The following MROH2B variants were observed in gnomAD, a reference collection of about 807,000 sequenced individuals.
MROH2B encodes maestro heat-like repeat-containing protein family member 2B.
MROH2B carries 177 observed loss-of-function variants against 208.6 expected under a neutral mutation model. The ratio of observed to expected loss-of-function variants is 0.85; its 90% CI spans 0.75 to 0.96. MROH2B has a LOEUF of 0.96. Ranked by LOEUF, MROH2B falls within the 40% of genes least tolerant of loss-of-function variation. The probability of loss-of-function intolerance (pLI) is 0.00; values close to 1 mark genes in which losing one functional copy is unlikely to be tolerated. For missense variants in MROH2B, 2,002 were observed against 1,878.7 expected (o/e 1.07, Z -1.21); for synonymous variants, 728 against 659.0 (o/e 1.10, Z -1.60).
At chr5:41,024,684 C>A (rs1232597190) in intron 24 of MROH2B, among the ~76,000 whole-genome samples, 2 of 152,180 alleles carry the variant, frequency 1.3e-5, no homozygotes, top group African/African-American at 4.8e-5. Context: ...ACCAAGCAGA[C>A]CTAGTAGACA....
intron 24 of MROH2B, among the ~76,000 whole-genome samples, chr5:41,023,693 A>G (rs568385189): frequency 6.6e-6 from 1 of 152,278 alleles, no homozygotes; most frequent in East Asian, 1.9e-4. Context: ...TGCCACAAAG[A>G]TACTCTTTGA....
intron 2 of MROH2B, 46 bp downstream of exon 2, chr5:41,069,645 C>G: frequency 1.4e-6 from 2 of 1,433,114 alleles, no homozygotes; most frequent in Non-Finnish European, 1.9e-6. Flanking sequence ...AATGTTGCAA[C>G]AAGAAGACTG....
rs747871771 is a variant in MROH2B, at chr5:41,039,508, A to C, written c.2001T>G (p.Ile667Met). Reference sequence around the variant, plus strand: ...GGAATGTTTTAAGAACTTTTAAAACAATATCCAAATGGTTCTCGGCACAGT... The same window carrying C: ...GGAATGTTTTAAGAACTTTTAAAACCATATCCAAATGGTTCTCGGCACAGT... The part of the protein sequence containing the change: ...LGYCAENHLD[I>M]VLKVLKTFQN... Residue 667 changes from isoleucine to methionine, a missense_variant, in exon 20 of 42, where the codon ATT becomes ATG. Ile to Met is a conservative substitution (Grantham distance 10, BLOSUM62 1). Coordinates refer to ENST00000399564, the MANE Select transcript of MROH2B (RefSeq NM_173489.5). 1.2e-6 allele frequency: 2 copies of C among 1,608,286 alleles called. No individual in the cohort carries two copies. The highest frequency in any genetic ancestry group is 1.3e-5 in the African/African-American group (1 of 74,842).
intron 11 of MROH2B, among the ~76,000 whole-genome samples, chr5:41,054,566 G>A (rs1386448032): frequency 6.6e-6 from 1 of 152,082 alleles, no homozygotes; most frequent in Admixed American, 6.5e-5. Flanking sequence ...TCTTTTCACT[G>A]AGACGTCCTT....
intron 37 of MROH2B, 55 bp from the exon 38 acceptor site, chr5:41,000,888 T>C (rs2111787030): frequency 6.5e-7 from 1 of 1,542,986 alleles, no homozygotes; most frequent in Non-Finnish European, 8.7e-7. Flanking sequence ...CATTCCCTGC[T>C]AGCACACTCT....
chr5:41,015,741 C>T (rs1342621272), intron 28 of MROH2B, among the ~76,000 whole-genome samples: 3 of 152,152 alleles, frequency 2.0e-5, no homozygotes, highest in Non-Finnish European at 2.9e-5. Flanking sequence ...AAAGCGGGAA[C>T]AGAGATGTGA....
chr5:41,063,367 G>C (rs1240039613), intron 5 of MROH2B, among the ~76,000 whole-genome samples: 1 of 152,190 alleles, frequency 6.6e-6, no homozygotes, highest in Admixed American at 6.5e-5. Context: ...TGTACTGGCT[G>C]TGTGACCTAA....
chr5:41,055,797 A>C lies in MROH2B; in HGVS notation c.978T>G (p.Asn326Lys), dbSNP rs1321924088. Residue 326 changes from asparagine (N) to lysine (K), a missense_variant, in exon 10 of 42, where the codon AAT becomes AAG. Asn to Lys is a moderately conservative substitution (Grantham distance 94, BLOSUM62 0). Coordinates refer to ENST00000399564, the MANE Select transcript of MROH2B (RefSeq NM_173489.5). ...EFFDEQVRSN[N>K]EAIRVGILTL... ...TCAAGATTCCCACTCGAATGGCTTC[A>C]TTATTACTTCTTACTTGTTCATCAA... 3 of 1,613,782 alleles carry C rather than the reference A, an allele frequency of 1.9e-6. No homozygotes were observed. Among genetic ancestry groups the C allele is most frequent in the Admixed American group, 1.7e-5 (1 of 60,006 alleles).
chr5:41,026,301 C>G (rs1234157102), intron 24 of MROH2B, among the ~76,000 whole-genome samples: 2 of 152,104 alleles, frequency 1.3e-5, no homozygotes, highest in African/African-American at 4.8e-5. Flanking sequence ...TGTCTCAGCC[C>G]AAAATCTACT....
intron 24 of MROH2B, among the ~76,000 whole-genome samples, chr5:41,029,521 A>T (rs1742494429): frequency 6.6e-6 from 1 of 152,014 alleles, no homozygotes; most frequent in Non-Finnish European, 1.5e-5. Flanking sequence ...CAAGATTTTG[A>T]TGTGAGGACA....
intron 28 of MROH2B, among the ~76,000 whole-genome samples, chr5:41,017,102 C>A (rs1561281277): frequency 1.3e-5 from 2 of 152,156 alleles, no homozygotes; most frequent in African/African-American, 4.8e-5. Flanking sequence ...GGAACATAGG[C>A]AGGCATAAGG....
chr5:41,058,521 G>C (rs183910314), intron 6 of MROH2B, among the ~76,000 whole-genome samples: 12 of 151,866 alleles, frequency 7.9e-5, no homozygotes, highest in African/African-American at 2.9e-4. Flanking sequence ...GCAGTGGCAC[G>C]ATCTCAGCTC....
At position 41,069,762 on chromosome 5, in the gene MROH2B, A is replaced by G. The variant is rs780926227; in HGVS notation, c.29-10T>C. 1.9e-6 allele frequency: 3 copies of G among 1,581,898 alleles called. No homozygotes were observed. Among genetic ancestry groups the G allele is most frequent in the Non-Finnish European group, 2.6e-6 (3 of 1,155,934 alleles). ...ATATCCCCAAACATCTCTAAAACGT[A>G]CAGAAAAATATGAATTGAAATATAT... On this transcript the variant is annotated splice_polypyrimidine_tract_variant and intron_variant, in intron 1 of 41. Transcript: ENST00000399564.
intron 24 of MROH2B, among the ~76,000 whole-genome samples, chr5:41,026,065 C>A (rs946245069): frequency 8.2e-5 from 9 of 109,484 alleles, no homozygotes; most frequent in African/African-American, 2.9e-4. Context: ...TTATGACAAA[C>A]GCCCAGCCAA....
intron 24 of MROH2B, among the ~76,000 whole-genome samples, chr5:41,024,248 TAA>T (rs1742265559): frequency 6.6e-6 from 1 of 152,052 alleles, no homozygotes; most frequent in Non-Finnish European, 1.5e-5. Flanking sequence ...GCAAATTGGA[TAA>T]AGAGTCAAGA....
chr5:41,038,439 T>G (rs1448772467), intron 21 of MROH2B, among the ~76,000 whole-genome samples: 1 of 152,154 alleles, frequency 6.6e-6, no homozygotes, highest in Non-Finnish European at 1.5e-5. Context: ...TTAAAATAAA[T>G]TTTTCTGTTC....
intron 18 of MROH2B, among the ~76,000 whole-genome samples, chr5:41,045,252 C>T (rs1743080821): frequency 6.6e-6 from 1 of 152,192 alleles, no homozygotes; most frequent in Non-Finnish European, 1.5e-5. Flanking sequence ...TATCCATGGC[C>T]ATACCTCTTT....
At chr5:41,048,901 A>C (rs1743201877) in intron 15 of MROH2B, among the ~76,000 whole-genome samples, 200 bp downstream of exon 15, 1 of 152,224 alleles carries the variant, frequency 6.6e-6, no homozygotes, top group South Asian at 2.1e-4. Context: ...AAAGTTCAAC[A>C]AGTATTTCAG....
chr5:41,014,251 T>C (rs777395061), intron 29 of MROH2B, among the ~76,000 whole-genome samples: 3 of 152,206 alleles, frequency 2.0e-5, no homozygotes, highest in Non-Finnish European at 2.9e-5. Flanking sequence ...GGTGCCCTTT[T>C]GCATTTCAAA....
Sources: allele counts gnomAD v4.1 joint callset (sites outside exome capture counted in the v4.1 genomes callset), GRCh38; gene constraint gnomAD v4.1.1; transcripts MANE v1.5; gene names NCBI Gene and HGNC (gene_info 2026-07-23, HGNC 2026-07-21).